Variants in SPTLC3 observed in about 807,000 individuals in gnomAD.
The protein encoded by SPTLC3 is serine palmitoyltransferase 3.
In SPTLC3, 36 loss-of-function variants were observed where a neutral mutation model predicts 59.3. That is an observed-to-expected ratio of 0.61 (90% CI 0.47 to 0.80). SPTLC3 has a LOEUF of 0.80. Among genes scored for constraint, SPTLC3 ranks in the 30% least tolerant of loss-of-function variants. SPTLC3 has a pLI of 0.00. For missense variants in SPTLC3, 625 were observed against 685.1 expected, an observed-to-expected ratio of 0.91 and a Z score of 0.98; for synonymous variants, 257 against 240.8, an observed-to-expected ratio of 1.07 and a Z score of -0.62.
intron 1 of SPTLC3, among the ~76,000 whole-genome samples, chr20:13,019,844 A>G (rs546941992): frequency 7.2e-5 from 11 of 152,304 alleles, no homozygotes; most frequent in East Asian, 3.9e-4. Flanking sequence ...TCTCTTACCT[A>G]TGGGTTATAC....
Position 13,068,742 on chromosome 20 carries a change from G to C in SPTLC3, c.304-3514G>C, listed in dbSNP as rs142377889. 5.9e-3 allele frequency among the ~76,000 whole-genome samples: 727 copies of C among 122,382 alleles called. 10 individuals carry two copies. The highest frequency in any genetic ancestry group is 0.022 in the African/African-American group (701 of 32,180). 80.3% of individuals were successfully genotyped at this position (122,382 alleles called of 152,430 possible). A position where few individuals can be genotyped will look rare whatever the true frequency, so the allele number is the denominator to read the frequency against. ...ATGTCATGCACAAAGAAATAACTCT[G>C]AGTACTTTAAAAAAAAAAAAACAAC... On this transcript the variant is annotated intron_variant, in intron 2 of 11. Coordinates refer to ENST00000399002, the MANE Select transcript of SPTLC3 (RefSeq NM_018327.4).
chr20:13,085,401 C>A (rs185444225), intron 4 of SPTLC3, among the ~76,000 whole-genome samples: 10 of 152,040 alleles, frequency 6.6e-5, no homozygotes, highest in African/African-American at 2.2e-4. Flanking sequence ...GGCTTTAATG[C>A]AAGAATTACC....
chr20:13,045,151 T>C (rs982627350), intron 1 of SPTLC3, among the ~76,000 whole-genome samples: 1 of 152,090 alleles, frequency 6.6e-6, no homozygotes, highest in African/African-American at 2.4e-5. Context: ...GAAGAGTAAT[T>C]GTCTGTAAAG....
intron 1 of SPTLC3, among the ~76,000 whole-genome samples, chr20:13,031,532 G>A (rs575549197): frequency 8.5e-5 from 13 of 152,246 alleles, no homozygotes; most frequent in African/African-American, 3.1e-4. Context: ...CAAACTCCTT[G>A]TCTCCTTTTC....
intron 7 of SPTLC3, 78 bp downstream of exon 7, chr20:13,110,295 T>C (rs899490596): frequency 9.3e-6 from 11 of 1,181,976 alleles, no homozygotes; most frequent in South Asian, 1.4e-5. Context: ...TCACCTTTCC[T>C]AGCTAAACAG....
intron 3 of SPTLC3, chr20:13,073,756 A>G: frequency 1.8e-6 from 1 of 568,786 alleles, no homozygotes; most frequent in African/African-American, 1.9e-5. Context: ...ATTATTCCAG[A>G]CACGGTCCAA....
rs1461530967 is a variant in SPTLC3, at chr20:13,164,840, T to A, written c.1632T>A (p.Asp544Glu). The A allele has an allele frequency of 6.2e-7, 1 of 1,613,638 alleles. No homozygotes were observed. The highest frequency in any genetic ancestry group is 1.1e-5 in the South Asian group (1 of 90,994). The change falls in exon 12 of 12, where the codon GAT becomes GAA. Residue 544 changes from aspartate to glutamate, a missense_variant. Asp to Glu is a conservative substitution (Grantham distance 45, BLOSUM62 2). Transcript: ENST00000399002. ...AGTCAGCACGTCCTGAGCTCTATGATGAGACGAGCTTTGAACTCGAAGATT... is the reference window on the plus strand; with the variant it reads ...AGTCAGCACGTCCTGAGCTCTATGAAGAGACGAGCTTTGAACTCGAAGATT... ...HKKSARPELY[D>E]ETSFELED
At chr20:13,085,245 G>A (rs1988967870) in intron 4 of SPTLC3, among the ~76,000 whole-genome samples, 1 of 152,014 alleles carries the variant, frequency 6.6e-6, no homozygotes, top group South Asian at 2.1e-4. Context: ...ATATTGGCCA[G>A]AAAAACAAAC....
At chr20:13,075,938 C>T (rs6105032) in intron 4 of SPTLC3, among the ~76,000 whole-genome samples, 14,249 of 152,218 alleles carry the variant, frequency 0.094, 747 homozygotes, top group Middle Eastern at 0.17. Flanking sequence ...AGATATGGAA[C>T]ATGGGTCCCC....
intron 4 of SPTLC3, among the ~76,000 whole-genome samples, chr20:13,086,725 T>G (rs13036352): frequency 0.085 from 12,992 of 152,202 alleles, 666 homozygotes; most frequent in Middle Eastern, 0.16. Context: ...ACTTCAGACC[T>G]CAGATGGACA....
intron 2 of SPTLC3, among the ~76,000 whole-genome samples, chr20:13,068,358 T>C (rs997046349): frequency 6.6e-6 from 1 of 152,218 alleles, no homozygotes; most frequent in African/African-American, 2.4e-5. Context: ...AAATTAAGTC[T>C]ATAGATAAAT....
chr20:13,063,569 A>C (rs2122543264), intron 2 of SPTLC3, among the ~76,000 whole-genome samples: 1 of 152,038 alleles, frequency 6.6e-6, no homozygotes, highest in South Asian at 2.1e-4. Flanking sequence ...CCATAAATCT[A>C]TTCATCCATC....
intron 9 of SPTLC3, among the ~76,000 whole-genome samples, chr20:13,152,477 G>T (rs1357631253): frequency 6.6e-6 from 1 of 152,160 alleles, no homozygotes; most frequent in Middle Eastern, 3.2e-3. Context: ...GGACCCAAAG[G>T]TTCAGATGAT....
At chr20:13,090,926 T>C (rs1169879665) in intron 4 of SPTLC3, among the ~76,000 whole-genome samples, 157 bp from the exon 5 acceptor site, 2 of 152,222 alleles carry the variant, frequency 1.3e-5, no homozygotes, top group Admixed American at 1.3e-4. Context: ...AATAGTTGAA[T>C]ATTTGGGCTG....
chr20:13,153,747 T>C (rs112711606), intron 9 of SPTLC3, among the ~76,000 whole-genome samples: 71 of 152,278 alleles, frequency 4.7e-4, no homozygotes, highest in African/African-American at 1.7e-3. Flanking sequence ...ACCAGCCCTC[T>C]AGCGTATCCT....
rs543382715 is a variant in SPTLC3, at chr20:13,091,345, C to T, written c.732+138C>T. ...ATCCTAGCACTTTGGGAGCCCAAGG[C>T]GGGCGGATCACGAGGTCAAGAGACC... On this transcript the variant is annotated intron_variant, in intron 5 of 11. Coordinates refer to ENST00000399002, the MANE Select transcript of SPTLC3 (RefSeq NM_018327.4). The T allele has an allele frequency of 9.2e-5, 97 of 1,055,988 alleles. No homozygotes were observed. In the East Asian group the frequency reaches 2.2e-3, roughly 24 times the overall value. The allele number at this position is 1,055,988 out of a possible 1,614,324, so 65.4% of individuals were successfully genotyped here.
intron 7 of SPTLC3, among the ~76,000 whole-genome samples, chr20:13,110,914 T>C (rs981770231): frequency 6.6e-6 from 1 of 152,058 alleles, no homozygotes; most frequent in Non-Finnish European, 1.5e-5. Context: ...GCTGTTCAAC[T>C]TTAAGACAAG....
At chr20:13,025,690 G>A (rs1419046887) in intron 1 of SPTLC3, among the ~76,000 whole-genome samples, 1 of 152,168 alleles carries the variant, frequency 6.6e-6, no homozygotes, top group African/African-American at 2.4e-5. Flanking sequence ...GCCAGAATAT[G>A]ACAAGAGGTT....
At chr20:13,101,729 C>T (rs1215467975) in intron 6 of SPTLC3, among the ~76,000 whole-genome samples, 1 of 152,136 alleles carries the variant, frequency 6.6e-6, no homozygotes, top group Non-Finnish European at 1.5e-5. Context: ...TTCATATGCA[C>T]ACGAGGTACT....
Sources: gnomAD v4.1 joint callset for allele counts (sites outside exome capture counted in the v4.1 genomes callset) on GRCh38, gnomAD v4.1.1 for gene constraint, MANE v1.5 for transcripts, NCBI Gene and HGNC (gene_info 2026-07-23, HGNC 2026-07-21) for gene names.